GRID1: variants seen among roughly 807,000 people sequenced by gnomAD.
GRID1 encodes the protein glutamate ionotropic receptor delta type subunit 1.
Under a neutral mutation model 98.0 loss-of-function variants are expected in GRID1, and 28 were observed. That is an observed-to-expected ratio of 0.29 (90% CI 0.21 to 0.39). GRID1 has a LOEUF of 0.39. GRID1 is among the 10% of genes least tolerant of loss of function. GRID1 has a pLI of 1.00. For missense variants in GRID1, 1,111 were observed against 1,340.5 expected, an observed-to-expected ratio of 0.83 and a Z score of 2.67; for synonymous variants, 553 against 538.5, an observed-to-expected ratio of 1.03 and a Z score of -0.37.
chr10:86,208,287 A>G (rs979745358), intron 2 of GRID1, among the ~76,000 whole-genome samples: 1 of 152,150 alleles, frequency 6.6e-6, no homozygotes, highest in African/African-American at 2.4e-5. Context: ...GGGGGTAGCT[A>G]AACAAGAGAT....
At chr10:85,911,274 T>G (rs11201829) in intron 5 of GRID1, among the ~76,000 whole-genome samples, 49,845 of 151,656 alleles carry the variant, frequency 0.33, 8,985 homozygotes, top group Middle Eastern at 0.52. Context: ...AGAGAACCAG[T>G]TTTGGGGAGG....
intron 4 of GRID1, among the ~76,000 whole-genome samples, chr10:86,112,014 C>CA (rs1844494766): frequency 6.6e-6 from 1 of 152,230 alleles, no homozygotes; most frequent in African/African-American, 2.4e-5. Flanking sequence ...CAGAGTCCCA[C>CA]ACTGGTGAGT....
At chr10:86,010,378 C>A (rs1209386505) in intron 4 of GRID1, among the ~76,000 whole-genome samples, 2 of 152,130 alleles carry the variant, frequency 1.3e-5, no homozygotes, top group African/African-American at 4.8e-5. Context: ...AACTGCTTCA[C>A]CAGATGGCCA....
At chr10:86,147,853 T>C (rs1475768513) in intron 3 of GRID1, among the ~76,000 whole-genome samples, 2 of 152,148 alleles carry the variant, frequency 1.3e-5, no homozygotes, top group African/African-American at 2.4e-5. Flanking sequence ...ACTATATACT[T>C]GTCCTAATCA....
At chr10:86,189,482 G>C (rs1902667) in intron 3 of GRID1, among the ~76,000 whole-genome samples, 48,853 of 151,544 alleles carry the variant, frequency 0.32, 9,606 homozygotes, top group Non-Finnish European at 0.44. Context: ...CTTTTCCCCA[G>C]CATCCCTACC....
intron 8 of GRID1, among the ~76,000 whole-genome samples, chr10:85,845,614 A>G (rs932721050): frequency 6.6e-6 from 1 of 152,316 alleles, no homozygotes; most frequent in East Asian, 1.9e-4. Context: ...AAAAATAAGT[A>G]TGAAGCTTGC....
chr10:86,198,820 G>A (rs756869858), intron 3 of GRID1, among the ~76,000 whole-genome samples: 3 of 152,118 alleles, frequency 2.0e-5, no homozygotes, highest in South Asian at 2.1e-4. Flanking sequence ...GTGCCCACAC[G>A]CACTGCCATG....
chr10:86,173,830 G>T (rs1845531915), intron 3 of GRID1, among the ~76,000 whole-genome samples: 1 of 148,298 alleles, frequency 6.7e-6, no homozygotes, highest in Non-Finnish European at 1.5e-5. Context: ...GCGGTGTTTG[G>T]TTTTTTGTTC....
intron 4 of GRID1, among the ~76,000 whole-genome samples, chr10:86,132,533 A>C (rs977178046): frequency 6.6e-6 from 1 of 152,248 alleles, no homozygotes; most frequent in African/African-American, 2.4e-5. Context: ...TTCAAAAATT[A>C]ATCTCCTATA....
intron 4 of GRID1, among the ~76,000 whole-genome samples, chr10:85,983,583 G>C (rs1290468582): frequency 1.3e-5 from 2 of 152,182 alleles, no homozygotes; most frequent in Non-Finnish European, 2.9e-5. Context: ...CTGGAGACTT[G>C]AACAGAAGGG....
intron 4 of GRID1, among the ~76,000 whole-genome samples, chr10:86,090,895 T>A (rs1019415613): frequency 2.0e-5 from 3 of 152,156 alleles, no homozygotes; most frequent in Non-Finnish European, 4.4e-5. Context: ...GGTCTGTTTG[T>A]GGGAGAAGTT....
At chr10:86,289,160 C>T (rs1173996400) in intron 2 of GRID1, among the ~76,000 whole-genome samples, 2 of 152,094 alleles carry the variant, frequency 1.3e-5, no homozygotes, top group Non-Finnish European at 2.9e-5. Context: ...TTGGGAGAGA[C>T]ACAGTGAGGC....
intron 4 of GRID1, among the ~76,000 whole-genome samples, chr10:85,958,922 A>G (rs1407315879): frequency 6.7e-6 from 1 of 149,368 alleles, no homozygotes; most frequent in African/African-American, 2.5e-5. Context: ...ACATCATTGC[A>G]CTCCAGCCTG....
At chr10:85,683,286 G>A (rs1406911837) in intron 12 of GRID1, among the ~76,000 whole-genome samples, 2 of 152,236 alleles carry the variant, frequency 1.3e-5, no homozygotes, top group Non-Finnish European at 2.9e-5. Context: ...TGAGGAATGT[G>A]TGAGTGTCAA....
chr10:86,038,472 G>A (rs1196940611), intron 4 of GRID1, among the ~76,000 whole-genome samples: 1 of 152,196 alleles, frequency 6.6e-6, no homozygotes, highest in Non-Finnish European at 1.5e-5. Context: ...ATGGGACAAG[G>A]GGACTTAGCC....
intron 4 of GRID1, among the ~76,000 whole-genome samples, chr10:85,950,283 G>A (rs1338180997): frequency 2.6e-5 from 4 of 152,132 alleles, no homozygotes; most frequent in African/African-American, 4.8e-5. Context: ...AGGAAATGCC[G>A]CTATTCTGGA....
intron 4 of GRID1, among the ~76,000 whole-genome samples, chr10:86,009,493 T>C (rs997365639): frequency 1.3e-5 from 2 of 152,150 alleles, no homozygotes; most frequent in Admixed American, 1.3e-4. Context: ...AATCAATCCA[T>C]CTGCTGGAAC....
At chr10:86,228,779 T>A (rs1412583319) in intron 2 of GRID1, among the ~76,000 whole-genome samples, 1 of 152,054 alleles carries the variant, frequency 6.6e-6, no homozygotes, top group Admixed American at 6.5e-5. Context: ...AGGAAGTGGA[T>A]GTGTGGGTTC....
intron 8 of GRID1, among the ~76,000 whole-genome samples, chr10:85,853,300 TAGCCAATGGTGACATCAGG>T (rs1843077438): frequency 1.3e-5 from 2 of 152,238 alleles, no homozygotes; most frequent in Non-Finnish European, 2.9e-5. Context: ...CCACTGCTTC[TAGCCAATGGTGACATCAGG>T]CTAGAGGGCT....
Sources: allele counts gnomAD v4.1 joint callset (sites outside exome capture counted in the v4.1 genomes callset), GRCh38; gene constraint gnomAD v4.1.1; transcripts MANE v1.5; gene names NCBI Gene and HGNC (gene_info 2026-07-23, HGNC 2026-07-21).